FAM107B: variants seen among roughly 807,000 people sequenced by gnomAD.
FAM107B encodes the protein family with sequence similarity 107 member B, also known as protein FAM107B.
A neutral mutation model predicts 31.5 loss-of-function variants in FAM107B; 21 were observed. That is an observed-to-expected ratio of 0.67 (90% CI 0.47 to 0.96). The LOEUF (loss-of-function observed/expected upper bound fraction) is 0.96. FAM107B is among the 40% of genes least tolerant of loss of function. FAM107B has a pLI of 0.00. For synonymous variants in FAM107B, 157 were observed against 141.5 expected (o/e 1.11, Z -0.78); for missense variants, 452 against 377.1 (o/e 1.20, Z -1.64).
intron 1 of FAM107B, among the ~76,000 whole-genome samples, chr10:14,765,401 T>G (rs1833142526): frequency 6.6e-6 from 1 of 152,200 alleles, no homozygotes; most frequent in Admixed American, 6.5e-5. Context: ...TTTATTGCAT[T>G]CTAAGAGAAG....
rs370728061 is a variant in FAM107B at position 14,626,193 on chromosome 10, G to C, written c.469+41441C>G. 5.3e-5 allele frequency among the ~76,000 whole-genome samples: 8 copies of C among 152,106 alleles called. No homozygotes were observed. The East Asian group carries it at 1.5e-3, about 29-fold the overall frequency. ...CACTGCTGATCACTGCCAGCCCCTG[G>C]GTCGCCTGGGATTTACAGAGGACTC... is the stretch of plus-strand genomic sequence containing the variant. On this transcript the variant is annotated intron_variant, in intron 2 of 4. Coordinates refer to ENST00000181796, the MANE Select transcript of FAM107B (RefSeq NM_031453.4).
At chr10:14,562,647 C>T (rs1455095934) in intron 2 of FAM107B, among the ~76,000 whole-genome samples, 1 of 152,096 alleles carries the variant, frequency 6.6e-6, no homozygotes, top group Admixed American at 6.5e-5. Flanking sequence ...ACGACAATAC[C>T]ACGTCAGCCA....
At chr10:14,586,789 C>G (rs1041386902) in intron 2 of FAM107B, among the ~76,000 whole-genome samples, 7 of 152,162 alleles carry the variant, frequency 4.6e-5, no homozygotes, top group African/African-American at 1.7e-4. Flanking sequence ...CAGGGTCGCT[C>G]CTCCACTCTC....
chr10:14,544,870 A>C (rs892602740), intron 2 of FAM107B, among the ~76,000 whole-genome samples: 1 of 152,242 alleles, frequency 6.6e-6, no homozygotes, highest in African/African-American at 2.4e-5. Flanking sequence ...ATTAGGCTCC[A>C]AACAGTATGC....
In FAM107B at chr10:14,678,388, A is replaced by G. The variant is rs143592015; in HGVS notation, c.412-10697T>C. On this transcript the variant is annotated intron_variant, in intron 1 of 4. Transcript: ENST00000181796. ...AAAGCTGTTTCCTGATTGTATACAC[A>G]ACTTTCAGCAAAACTGACTCAAGGA... 4.1e-4 allele frequency among the ~76,000 whole-genome samples: 63 copies of G among 152,320 alleles called. No individual in the cohort carries two copies. In the East Asian group the frequency reaches 9.3e-3, roughly 22 times the overall value.
At chr10:14,654,228 C>T (rs552818366) in intron 2 of FAM107B, among the ~76,000 whole-genome samples, 7 of 151,888 alleles carry the variant, frequency 4.6e-5, no homozygotes, top group Non-Finnish European at 7.4e-5. Flanking sequence ...ACATTGGCAA[C>T]CAATTTTCAA....
At chr10:14,772,362 A>AAAATATATATATATATAT (rs10651238) in intron 1 of FAM107B, among the ~76,000 whole-genome samples, 5 of 145,590 alleles carry the variant, frequency 3.4e-5, no homozygotes, top group African/African-American at 1.3e-4. Flanking sequence ...TTAAAAAAAA[A>AAAATATATATATATATAT]ATATATATAT....
intron 2 of FAM107B, chr10:14,548,443 G>C: frequency 1.0e-6 from 1 of 985,710 alleles, no homozygotes. Flanking sequence ...ACAGCACCTG[G>C]CTGCAAGTAG....
intron 2 of FAM107B, among the ~76,000 whole-genome samples, chr10:14,639,566 C>T (rs963775600): frequency 6.6e-6 from 1 of 152,136 alleles, no homozygotes; most frequent in African/African-American, 2.4e-5. Context: ...CAAGACTACC[C>T]CCAAGATCCA....
At chr10:14,696,672 G>A (rs192849359) in intron 1 of FAM107B, among the ~76,000 whole-genome samples, 41 of 152,260 alleles carry the variant, frequency 2.7e-4, no homozygotes, top group Non-Finnish European at 2.4e-4. Context: ...CTTCTTCAGT[G>A]TTTGCAGTGT....
chr10:14,722,028 T>G (rs1855923861), intron 1 of FAM107B, among the ~76,000 whole-genome samples: 3 of 152,238 alleles, frequency 2.0e-5, no homozygotes, highest in African/African-American at 7.2e-5. Flanking sequence ...ATCCATTTAT[T>G]AAATAGGGAA....
intron 3 of FAM107B, chr10:14,522,324 A>T (rs534907705): frequency 1.1e-5 from 3 of 276,750 alleles, no homozygotes; most frequent in South Asian, 5.8e-5. Context: ...GCGTACGATG[A>T]CTGTGATGGG....
At chr10:14,540,974 AGAC>A (rs1848131691) in intron 2 of FAM107B, among the ~76,000 whole-genome samples, 1 of 152,190 alleles carries the variant, frequency 6.6e-6, no homozygotes, top group African/African-American at 2.4e-5. Flanking sequence ...AAAGCAACAG[AGAC>A]GACAGCACAC....
At chr10:14,677,832 G>A (rs190700346) in intron 1 of FAM107B, among the ~76,000 whole-genome samples, 1 of 152,276 alleles carries the variant, frequency 6.6e-6, no homozygotes, top group African/African-American at 2.4e-5. Context: ...CGTGTCTCTG[G>A]TGTCTGTAAT....
chr10:14,673,053 A>G (rs1331529745), intron 1 of FAM107B, among the ~76,000 whole-genome samples: 3 of 152,238 alleles, frequency 2.0e-5, no homozygotes, highest in African/African-American at 7.2e-5. Context: ...GTGATATTTC[A>G]ATACATGTAT....
intron 1 of FAM107B, among the ~76,000 whole-genome samples, chr10:14,764,439 T>G (rs1282928241): frequency 6.6e-6 from 1 of 152,196 alleles, no homozygotes; most frequent in Non-Finnish European, 1.5e-5. Context: ...ACAAACCAGC[T>G]TTTCAGAACA....
intron 2 of FAM107B, among the ~76,000 whole-genome samples, chr10:14,591,501 G>A (rs72768942): frequency 0.021 from 3,174 of 152,186 alleles, 48 homozygotes; most frequent in Non-Finnish European, 0.034. Context: ...AGTTTTCCCC[G>A]ATACCCTGGT....
At chr10:14,655,939 G>A (rs1854041063) in intron 2 of FAM107B, among the ~76,000 whole-genome samples, 1 of 152,138 alleles carries the variant, frequency 6.6e-6, no homozygotes, top group African/African-American at 2.4e-5. Flanking sequence ...TTTACAGAGA[G>A]GCATGCAGGT....
chr10:14,634,807 T>G (rs1853454989), intron 2 of FAM107B, among the ~76,000 whole-genome samples: 1 of 152,060 alleles, frequency 6.6e-6, no homozygotes, highest in African/African-American at 2.4e-5. Context: ...AACCTCAGTC[T>G]TGGCCGGGTG....
Sources: allele counts gnomAD v4.1 joint callset (sites outside exome capture counted in the v4.1 genomes callset), GRCh38; gene constraint gnomAD v4.1.1; transcripts MANE v1.5; gene names NCBI Gene and HGNC (gene_info 2026-07-23, HGNC 2026-07-21).